Variants in CDH13 observed in about 807,000 individuals in gnomAD.
CDH13 encodes the protein cadherin 13, also known as cadherin-13.
Under a neutral mutation model 63.8 loss-of-function variants are expected in CDH13, and 24 were observed. The ratio of observed to expected loss-of-function variants is 0.38; its 90% CI spans 0.27 to 0.53. CDH13 has a LOEUF of 0.53. CDH13 is among the 20% of genes least tolerant of loss of function. CDH13 has a pLI of 0.85. For missense variants in CDH13, 1,049 were observed against 903.1 expected (o/e 1.16, Z -2.07); for synonymous variants, 503 against 355.3 (o/e 1.42, Z -4.67).
Position 83,099,662 on chromosome 16 carries a change from G to A in CDH13, c.367-25723G>A, listed in dbSNP as rs146220519. ...TCTAATCCTTAACATAACAGCCCATGATTCCACTCTTTCAATCTCGTTTCT... is the reference window on the plus strand; with the variant it reads ...TCTAATCCTTAACATAACAGCCCATAATTCCACTCTTTCAATCTCGTTTCT... On this transcript the variant is annotated intron_variant, in intron 3 of 13. Coordinates refer to ENST00000567109, the MANE Select transcript of CDH13 (RefSeq NM_001257.5). Among the ~76,000 whole-genome samples the A allele has an allele frequency of 1.0e-3, 115 of 113,560 alleles. 1 individual carries two copies. The highest frequency in any genetic ancestry group is 3.1e-3 in the African/African-American group (102 of 33,150). The allele number at this position is 113,560 out of a possible 152,430, so 74.5% of individuals were successfully genotyped here.
At chr16:82,824,813 T>G (rs1431445428) in intron 1 of CDH13, 1 of 152,232 alleles carries the variant, frequency 6.6e-6, no homozygotes, top group Non-Finnish European at 1.5e-5. Context: ...GATTTAAAAA[T>G]AGACTGCAAA....
At chr16:83,676,879 C>G (rs1334383874) in intron 9 of CDH13, among the ~76,000 whole-genome samples, 2 of 152,210 alleles carry the variant, frequency 1.3e-5, no homozygotes, top group African/African-American at 4.8e-5. Flanking sequence ...CCATTCCCAC[C>G]TCGGTGCCAG....
chr16:82,974,945 C>A lies in CDH13; in HGVS notation c.158-57065C>A, dbSNP rs145541250. Reference sequence around the variant, plus strand: ...GCAGGATGCCCACACATAAACTACGCCCAGACTGACTTTGACTGTAATGGC... The same window carrying A: ...GCAGGATGCCCACACATAAACTACGACCAGACTGACTTTGACTGTAATGGC... On this transcript the variant is annotated intron_variant, in intron 2 of 13. Coordinates refer to ENST00000567109, the MANE Select transcript of CDH13 (RefSeq NM_001257.5). Among the ~76,000 whole-genome samples the A allele has an allele frequency of 2.9e-4, 44 of 152,324 alleles. No individual in the cohort carries two copies. In the East Asian group the frequency reaches 7.9e-3, roughly 27 times the overall value.
In CDH13 at chr16:83,417,479, G is replaced by A. The variant is rs149050694; in HGVS notation, c.782-68998G>A. On this transcript the variant is annotated intron_variant, in intron 6 of 13. Coordinates refer to ENST00000567109, the MANE Select transcript of CDH13 (RefSeq NM_001257.5). ...TCGTGACACCACCTCCCTGGTCACC[G>A]TGCTCTTGCCTTCTTGCCTTCTTGC... Among the ~76,000 whole-genome samples the A allele has an allele frequency of 2.9e-3, 435 of 152,194 alleles. 1 individual carries two copies. Among genetic ancestry groups the A allele is most frequent in the African/African-American group, 9.6e-3 (397 of 41,514 alleles).
intron 2 of CDH13, among the ~76,000 whole-genome samples, chr16:82,995,348 T>C (rs569967264): frequency 6.6e-6 from 1 of 152,338 alleles, no homozygotes; most frequent in Admixed American, 6.5e-5. Flanking sequence ...AACTGGGTGA[T>C]GGCCACTAAG....
At chr16:82,948,990 C>G (rs1363219058) in intron 2 of CDH13, among the ~76,000 whole-genome samples, 38 of 152,188 alleles carry the variant, frequency 2.5e-4, no homozygotes, top group Non-Finnish European at 5.9e-5. Flanking sequence ...CTGTAAACAT[C>G]TTTCAACTCT....
intron 7 of CDH13, among the ~76,000 whole-genome samples, chr16:83,578,206 T>C (rs998726674): frequency 1.3e-5 from 2 of 152,214 alleles, no homozygotes; most frequent in Non-Finnish European, 2.9e-5. Flanking sequence ...TATCGCTGGC[T>C]AGCCATTCCT....
chr16:82,960,314 C>A (rs1301332287), intron 2 of CDH13, among the ~76,000 whole-genome samples: 1 of 152,130 alleles, frequency 6.6e-6, no homozygotes, highest in Non-Finnish European at 1.5e-5. Context: ...AGGAGGATTT[C>A]TGTGCTTTGG....
intron 4 of CDH13, among the ~76,000 whole-genome samples, chr16:83,211,937 G>A (rs1449708528): frequency 2.0e-5 from 3 of 152,134 alleles, no homozygotes; most frequent in Non-Finnish European, 4.4e-5. Flanking sequence ...ACTGTGAAAA[G>A]AAGTGTGGAA....
intron 4 of CDH13, among the ~76,000 whole-genome samples, chr16:83,155,457 G>C (rs762179463): frequency 6.6e-6 from 1 of 152,154 alleles, no homozygotes; most frequent in Non-Finnish European, 1.5e-5. Context: ...AAGGACGATG[G>C]GGAAAATAAA....
chr16:82,969,243 C>T (rs1461043367), intron 2 of CDH13, among the ~76,000 whole-genome samples: 1 of 152,168 alleles, frequency 6.6e-6, no homozygotes, highest in African/African-American at 2.4e-5. Context: ...TATAGTTTCT[C>T]TTATAACTAG....
chr16:83,793,230 C>G (rs1201016288), intron 13 of CDH13, among the ~76,000 whole-genome samples: 1 of 152,174 alleles, frequency 6.6e-6, no homozygotes, highest in Non-Finnish European at 1.5e-5. Flanking sequence ...GGAATTCACG[C>G]CTCTGCTGGA....
intron 1 of CDH13, among the ~76,000 whole-genome samples, chr16:82,718,336 G>C (rs2032528713): frequency 6.6e-6 from 1 of 152,182 alleles, no homozygotes; most frequent in African/African-American, 2.4e-5. Flanking sequence ...CCAGTAAGCA[G>C]CCTCTGTAGG....
At chr16:83,712,044 C>T (rs1266952705) in intron 10 of CDH13, among the ~76,000 whole-genome samples, 1 of 152,224 alleles carries the variant, frequency 6.6e-6, no homozygotes, top group Non-Finnish European at 1.5e-5. Context: ...TCTTCCCTCT[C>T]TGTCTGTCTG....
intron 1 of CDH13, among the ~76,000 whole-genome samples, chr16:82,664,970 G>A (rs1597258808): frequency 6.6e-6 from 1 of 152,150 alleles, no homozygotes; most frequent in East Asian, 1.9e-4. Context: ...TTGTGAATTT[G>A]CCTACTCAGT....
chr16:83,527,103 C>A (rs947948775), intron 7 of CDH13, among the ~76,000 whole-genome samples: 3 of 151,482 alleles, frequency 2.0e-5, no homozygotes, highest in African/African-American at 7.3e-5. Flanking sequence ...TGCCCTGCAG[C>A]CTGGGCAACA....
chr16:82,890,141 G>A (rs1412008481), intron 2 of CDH13, among the ~76,000 whole-genome samples: 2 of 152,232 alleles, frequency 1.3e-5, no homozygotes, highest in Non-Finnish European at 2.9e-5. Context: ...GATGCTAGCT[G>A]CAGTTGCTAG....
chr16:82,799,763 A>C (rs1310553671), intron 1 of CDH13, among the ~76,000 whole-genome samples: 2 of 152,214 alleles, frequency 1.3e-5, no homozygotes, highest in East Asian at 3.9e-4. Flanking sequence ...AAGTGCCAAC[A>C]ATGTGGCTAT....
rs538029485 is a variant in CDH13, at chr16:83,651,074, C to G, written c.1102-19716C>G. 1.1e-3 allele frequency among the ~76,000 whole-genome samples: 162 copies of G among 152,080 alleles called. 2 individuals are homozygous for G. Among genetic ancestry groups the G allele is most frequent in the African/African-American group, 3.6e-3 (151 of 41,488 alleles). ...CATCATCACGCAAGTGTATTCCAGC[C>G]TGGGCAACAAAGCAAGAGCCTGTCT... On this transcript the variant is annotated intron_variant, in intron 8 of 13. Transcript: ENST00000567109.
Sources: gnomAD v4.1 joint callset for allele counts (sites outside exome capture counted in the v4.1 genomes callset) on GRCh38, gnomAD v4.1.1 for gene constraint, MANE v1.5 for transcripts, NCBI Gene and HGNC (gene_info 2026-07-23, HGNC 2026-07-21) for gene names.